The following STAG1 variants were observed in gnomAD, a reference collection of about 807,000 sequenced individuals.
STAG1 encodes the protein cohesin subunit SA-1.
In STAG1, 26 loss-of-function variants were observed where a neutral mutation model predicts 170.9. The ratio of observed to expected loss-of-function variants is 0.15; its 90% CI spans 0.11 to 0.21. The LOEUF (loss-of-function observed/expected upper bound fraction) is 0.21, where lower values mean the gene tolerates loss of function less well. Ranked by LOEUF, STAG1 falls within the 10% of genes least tolerant of loss-of-function variation. The pLI, the probability that STAG1 is intolerant of heterozygous loss-of-function variation, is 1.00. For missense variants in STAG1, 964 were observed against 1,509.5 expected (o/e 0.64, Z 5.99); for synonymous variants, 514 against 497.7 (o/e 1.03, Z -0.44).
chr3:136,537,372 A>G lies in STAG1; in HGVS notation c.471+4747T>C, dbSNP rs147633762. Among the ~76,000 whole-genome samples, 204 of 152,332 alleles carry G rather than the reference A, an allele frequency of 1.3e-3. 1 individual carries two copies. The highest frequency in any genetic ancestry group is 4.5e-3 in the African/African-American group (188 of 41,584). ...CAAAACAAATTTAACAGAGTAGCAAAGAGTTCAATACTCAAAGGAGCTGAC... is the reference window on the plus strand; with the variant it reads ...CAAAACAAATTTAACAGAGTAGCAAGGAGTTCAATACTCAAAGGAGCTGAC... On this transcript the variant is annotated intron_variant, in intron 6 of 33. Transcript: ENST00000383202.
intron 26 of STAG1, among the ~76,000 whole-genome samples, chr3:136,361,599 G>A (rs991827072): frequency 6.6e-6 from 1 of 151,896 alleles, no homozygotes; most frequent in Non-Finnish European, 1.5e-5. Context: ...ATTTTAATTT[G>A]TATTTCATTA....
intron 23 of STAG1, 138 bp from the exon 24 acceptor site, chr3:136,369,420 A>AT: frequency 1.6e-6 from 1 of 626,054 alleles, no homozygotes; most frequent in Non-Finnish European, 2.4e-6. Context: ...AATTCCAAAT[A>AT]TTGTTATAAT....
At position 136,425,604 on chromosome 3, in the gene STAG1, CAT is replaced by C. The variant is rs781631444; in HGVS notation, c.1651-2562_1651-2561del. 6.3e-4 allele frequency among the ~76,000 whole-genome samples: 96 copies of C among 151,692 alleles called. No homozygotes were observed. The East Asian group carries it at 6.6e-3, about 10-fold the overall frequency. Reference sequence around the variant, plus strand: ...AAAAAATAAGTTTGGGAAAAAAACTCATAAATTCAAAGAGGTAAAAACTCTAT... The same window carrying C: ...AAAAAATAAGTTTGGGAAAAAAACTCAAATTCAAAGAGGTAAAAACTCTAT... On this transcript the variant is annotated intron_variant, in intron 16 of 33. Transcript: ENST00000383202.
At position 136,443,347 on chromosome 3, in the gene STAG1, A is replaced by G. The variant is rs751323353; in HGVS notation, c.1486T>C (p.Leu496=). ...DSLWESSQEL[L]KDWECMTELL... is the part of the protein sequence containing the mutation. ...TCTGTCATACATTCCCAGTCTTTCA[A>G]CAGTTCTTGAGAGCTCTCCCATAAA... The change falls in exon 15 of 34, where the codon TTG becomes CTG. Residue 496 remains leucine, a synonymous_variant. Coordinates refer to ENST00000383202, the MANE Select transcript of STAG1 (RefSeq NM_005862.3). 2.5e-6 allele frequency: 4 copies of G among 1,613,972 alleles called. No homozygotes were observed. The highest frequency in any genetic ancestry group is 4.5e-5 in the East Asian group (2 of 44,840).
chr3:136,708,338 T>C lies in STAG1; in HGVS notation c.-84+43857A>G, dbSNP rs891570424. ...ATATATGCTATAACTTCGATAAACATTGAAAACATGACACTAAGTAAAAGA... is the reference window on the plus strand; with the variant it reads ...ATATATGCTATAACTTCGATAAACACTGAAAACATGACACTAAGTAAAAGA... On this transcript the variant is annotated intron_variant, in intron 1 of 33. Coordinates refer to ENST00000383202, the MANE Select transcript of STAG1 (RefSeq NM_005862.3). Among the ~76,000 whole-genome samples, 7 of 151,884 alleles carry C rather than the reference T, an allele frequency of 4.6e-5. No homozygotes were observed. The East Asian group carries it at 9.6e-4, about 21-fold the overall frequency.
At chr3:136,489,420 A>G (rs1264015050) in intron 9 of STAG1, among the ~76,000 whole-genome samples, 2 of 152,196 alleles carry the variant, frequency 1.3e-5, no homozygotes. Flanking sequence ...CTTTTCCAGT[A>G]AGGATGCAGA....
intron 7 of STAG1, among the ~76,000 whole-genome samples, chr3:136,510,069 T>C (rs907109127): frequency 1.3e-5 from 2 of 152,222 alleles, no homozygotes; most frequent in African/African-American, 2.4e-5. Flanking sequence ...GAAAGCAGTG[T>C]TGCAGTTCCA....
chr3:136,559,620 C>T (rs1334274257), intron 5 of STAG1, among the ~76,000 whole-genome samples: 1 of 152,074 alleles, frequency 6.6e-6, no homozygotes, highest in Non-Finnish European at 1.5e-5. Flanking sequence ...GGGACTCACA[C>T]AAAATGATAT....
chr3:136,656,617 T>TTGTGTGTGTGTG (rs71157397), intron 1 of STAG1, among the ~76,000 whole-genome samples: 11,120 of 143,308 alleles, frequency 0.078, 472 homozygotes, highest in Middle Eastern at 0.095. Context: ...CTGTATTTAT[T>TTGTGTGTGTGTG]TGTGTGTGTG....
chr3:136,686,183 T>C (rs926695136), intron 1 of STAG1, among the ~76,000 whole-genome samples: 3 of 152,204 alleles, frequency 2.0e-5, no homozygotes, highest in African/African-American at 4.8e-5. Context: ...TGAGTGTTTT[T>C]CCCCTACCTG....
chr3:136,635,761 G>C (rs1940525915), intron 1 of STAG1, among the ~76,000 whole-genome samples: 1 of 152,146 alleles, frequency 6.6e-6, no homozygotes, highest in Non-Finnish European at 1.5e-5. Context: ...GAACTAATAA[G>C]CTATTATAGC....
intron 9 of STAG1, 67 bp from the exon 10 acceptor site, chr3:136,477,479 TC>T: frequency 7.2e-7 from 1 of 1,383,768 alleles, no homozygotes; most frequent in South Asian, 1.6e-5. Flanking sequence ...ATACTCGCTT[TC>T]CATAAGCAAT....
At chr3:136,377,823 A>C in intron 22 of STAG1, 71 bp from the exon 23 acceptor site, 1 of 1,258,342 alleles carries the variant, frequency 7.9e-7, no homozygotes, top group Non-Finnish European at 1.2e-6. Context: ...AGAAACAGTA[A>C]GTGGAAAATA....
intron 9 of STAG1, among the ~76,000 whole-genome samples, chr3:136,498,231 T>TATATATATATATATATATATATATAC (rs1576534130): frequency 1.7e-5 from 1 of 57,848 alleles, no homozygotes; most frequent in African/African-American, 9.3e-5. Context: ...TATATATATA[T>TATATATATATATATATATATATATAC]ATACACATAC....
At chr3:136,588,466 A>G (rs1937959070) in intron 4 of STAG1, among the ~76,000 whole-genome samples, 1 of 151,954 alleles carries the variant, frequency 6.6e-6, no homozygotes, top group Non-Finnish European at 1.5e-5. Flanking sequence ...TCAGCCTTCC[A>G]AGTAGCCAGG....
chr3:136,358,088 A>T (rs1434212464), intron 27 of STAG1, among the ~76,000 whole-genome samples: 4 of 140,688 alleles, frequency 2.8e-5, no homozygotes, highest in Non-Finnish European at 4.6e-5. Context: ...CTAAATTCGT[A>T]TTTTTTTTTT....
At chr3:136,645,237 C>T (rs889820110) in intron 1 of STAG1, among the ~76,000 whole-genome samples, 5 of 152,206 alleles carry the variant, frequency 3.3e-5, no homozygotes, top group Admixed American at 1.3e-4. Context: ...TCTATCTCTG[C>T]ACCCCAAAAA....
intron 1 of STAG1, among the ~76,000 whole-genome samples, chr3:136,733,080 CTAACTT>C (rs1934134772): frequency 6.8e-6 from 1 of 147,746 alleles, no homozygotes; most frequent in Non-Finnish European, 1.5e-5. Context: ...TGGTTAAAAC[CTAACTT>C]TTTTTTTTTT....
chr3:136,547,322 T>G lies in STAG1; in HGVS notation c.395-5127A>C, dbSNP rs184810750. On this transcript the variant is annotated intron_variant, in intron 5 of 33. Coordinates refer to ENST00000383202, the MANE Select transcript of STAG1 (RefSeq NM_005862.3). ...AAGCCCATACTTTATGCAGACTTCC[T>G]TAGTTTTTACCTAGTATCATTTTTG... Among the ~76,000 whole-genome samples the G allele has an allele frequency of 4.6e-5, 7 of 152,304 alleles. No homozygotes were observed. In the East Asian group the frequency reaches 1.3e-3, roughly 29 times the overall value.
Sources: gnomAD v4.1 joint callset for allele counts (sites outside exome capture counted in the v4.1 genomes callset) on GRCh38, gnomAD v4.1.1 for gene constraint, MANE v1.5 for transcripts, NCBI Gene and HGNC (gene_info 2026-07-23, HGNC 2026-07-21) for gene names.